The following CNR2 variants were observed in gnomAD, a reference collection of about 807,000 sequenced individuals.
CNR2 encodes the protein cannabinoid receptor 2.
For synonymous variants in CNR2, 172 were observed against 182.2 expected (o/e 0.94, Z 0.45); for missense variants, 379 against 439.9 (o/e 0.86, Z 1.24).
intron 1 of CNR2, among the ~76,000 whole-genome samples, chr1:23,876,084 A>G (rs894621303): frequency 6.6e-6 from 1 of 152,236 alleles, no homozygotes; most frequent in Non-Finnish European, 1.5e-5. Flanking sequence ...TTCGGCAAGT[A>G]AAGTACTGAA....
At chr1:23,894,555 C>T (rs1401921968) in intron 1 of CNR2, among the ~76,000 whole-genome samples, 1 of 148,322 alleles carries the variant, frequency 6.7e-6, no homozygotes, top group South Asian at 2.2e-4. Context: ...GTAATCCCAG[C>T]ACTTTGGGAG....
At chr1:23,891,854 T>G (rs900352104) in intron 1 of CNR2, among the ~76,000 whole-genome samples, 1 of 152,098 alleles carries the variant, frequency 6.6e-6, no homozygotes, top group Non-Finnish European at 1.5e-5. Context: ...GTATCTCACT[T>G]GCTCAAAAAA....
At chr1:23,882,070 T>C (rs1639997546) in intron 1 of CNR2, among the ~76,000 whole-genome samples, 1 of 151,552 alleles carries the variant, frequency 6.6e-6, no homozygotes, top group Non-Finnish European at 1.5e-5. Flanking sequence ...TACAGGTGCC[T>C]GCCACCACGA....
At chr1:23,909,000 T>A (rs1214572281) in intron 1 of CNR2, among the ~76,000 whole-genome samples, 1 of 151,628 alleles carries the variant, frequency 6.6e-6, no homozygotes, top group East Asian at 1.9e-4. Flanking sequence ...AGAGACCTCC[T>A]CTCTGGGCAG....
At chr1:23,880,578 T>C (rs1639965706) in intron 1 of CNR2, among the ~76,000 whole-genome samples, 2 of 151,952 alleles carry the variant, frequency 1.3e-5, no homozygotes, top group Non-Finnish European at 2.9e-5. Flanking sequence ...AGTTTTTATT[T>C]TTTTGAGATG....
chr1:23,889,907 T>C (rs1249271928), intron 1 of CNR2, among the ~76,000 whole-genome samples: 2 of 152,196 alleles, frequency 1.3e-5, no homozygotes, highest in African/African-American at 4.8e-5. Context: ...TTCATGTCAC[T>C]GTACCTGGTT....
intron 1 of CNR2, among the ~76,000 whole-genome samples, chr1:23,907,359 G>A (rs191078569): frequency 4.1e-5 from 6 of 146,176 alleles, no homozygotes; most frequent in East Asian, 4.0e-4. Flanking sequence ...GCAGTGAGCC[G>A]AGATCGCGCC....
intron 1 of CNR2, among the ~76,000 whole-genome samples, chr1:23,890,906 T>A (rs1640180201): frequency 6.6e-6 from 1 of 150,384 alleles, no homozygotes; most frequent in Non-Finnish European, 1.5e-5. Context: ...GAATACAGAT[T>A]GTTGTTCTGT....
At chr1:23,882,045 C>G (rs1008785195) in intron 1 of CNR2, among the ~76,000 whole-genome samples, 16 of 151,716 alleles carry the variant, frequency 1.1e-4, no homozygotes, top group African/African-American at 3.9e-4. Context: ...CCTCAGCCTC[C>G]CAAGTAGCTG....
At chr1:23,908,492 C>T (rs944777489) in intron 1 of CNR2, among the ~76,000 whole-genome samples, 10 of 152,122 alleles carry the variant, frequency 6.6e-5, no homozygotes, top group Admixed American at 3.3e-4. Flanking sequence ...AATAATTATT[C>T]ACTAATTTTT....
intron 1 of CNR2, among the ~76,000 whole-genome samples, chr1:23,912,590 C>T (rs1245391233): frequency 1.3e-5 from 2 of 152,252 alleles, no homozygotes; most frequent in South Asian, 4.1e-4. Context: ...GTGATAGCTC[C>T]TACTGCATAC....
Position 23,874,461 on chromosome 1 carries a change from C to G in CNR2, c.*74G>C, listed in dbSNP as rs1343994744. 3 of 1,487,948 alleles carry G rather than the reference C, an allele frequency of 2.0e-6. No individual in the cohort carries two copies. The highest frequency in any genetic ancestry group is 2.7e-6 in the Non-Finnish European group (3 of 1,102,488). 92.2% of individuals were successfully genotyped at this position (1,487,948 alleles called of 1,614,324 possible). A position where few individuals can be genotyped will look rare whatever the true frequency, so the allele number is the denominator to read the frequency against. ...GACTGGTTTAAGTAAGAAGAGAGTGCCAAGACCCCTCTCTCTCTTCCAGGG... is the reference window on the plus strand; with the variant it reads ...GACTGGTTTAAGTAAGAAGAGAGTGGCAAGACCCCTCTCTCTCTTCCAGGG... On this transcript the variant is annotated 3_prime_UTR_variant, in exon 2 of 2. Transcript: ENST00000374472.
At position 23,909,968 on chromosome 1, in the gene CNR2, C is replaced by CA. The variant is rs1553143156; in HGVS notation, c.-46+3277_-46+3278insT. ...GGACTGTGGACAAGTCTCTCTCCTT[C>CA]TTTTTTTTTTTTTTGAAACAGTATC... On this transcript the variant is annotated intron_variant, in intron 1 of 1. Coordinates refer to ENST00000374472, the MANE Select transcript of CNR2 (RefSeq NM_001841.3). Among the ~76,000 whole-genome samples the CA allele has an allele frequency of 3.5e-5, 5 of 142,900 alleles. No individual in the cohort carries two copies. The Admixed American group carries it at 3.5e-4, about 10-fold the overall frequency. The allele number at this position is 142,900 out of a possible 152,430, so 93.7% of individuals were successfully genotyped here.
intron 1 of CNR2, among the ~76,000 whole-genome samples, chr1:23,884,158 CA>C: frequency 6.6e-6 from 1 of 151,556 alleles, no homozygotes; most frequent in Non-Finnish European, 1.5e-5. Flanking sequence ...CGGCTCACTG[CA>C]AACTCTGCCT....
intron 1 of CNR2, among the ~76,000 whole-genome samples, chr1:23,895,115 G>T (rs1389635466): frequency 1.3e-5 from 2 of 151,986 alleles, no homozygotes; most frequent in African/African-American, 4.8e-5. Context: ...CCAGCTACTT[G>T]GAGGCTGAGG....
intron 1 of CNR2, among the ~76,000 whole-genome samples, chr1:23,881,936 T>C (rs12727867): frequency 0.72 from 108,108 of 150,690 alleles, 39,603 homozygotes; most frequent in Non-Finnish European, 0.76. Context: ...TGGATCTTTT[T>C]CTTGAGATGG....
In CNR2 at chr1:23,874,268, C is replaced by A; in HGVS notation, c.*267G>T. On this transcript the variant is annotated 3_prime_UTR_variant, in exon 2 of 2. Transcript: ENST00000374472. The stretch of plus-strand genomic sequence containing the variant: ...GGAGGATGCAGGCATGAAGCCTGAC[C>A]TGACTTGTACTGACCCTGTCCCAGG... The A allele has an allele frequency of 2.6e-6, 1 of 377,698 alleles. No homozygotes were observed. The highest frequency in any genetic ancestry group is 3.8e-5 in the Admixed American group (1 of 26,572). 23.4% of individuals were successfully genotyped at this position (377,698 alleles called of 1,614,324 possible). A position where few individuals can be genotyped will look rare whatever the true frequency, so the allele number is the denominator to read the frequency against.
chr1:23,875,639 A>C lies in CNR2; in HGVS notation c.-22T>G. 6.4e-7 allele frequency: 1 copy of C among 1,571,268 alleles called. No homozygotes were observed. The highest frequency in any genetic ancestry group is 8.6e-7 in the Non-Finnish European group (1 of 1,157,248). On this transcript the variant is annotated 5_prime_UTR_variant, in exon 2 of 2. Transcript: ENST00000374472. The stretch of plus-strand genomic sequence containing the variant: ...CCATGGGGTGGGCCCTTCAGATTCC[A>C]CTGAGCTTGTCTAGAAGGCTTTGCT...
At chr1:23,884,633 T>A (rs905467579) in intron 1 of CNR2, among the ~76,000 whole-genome samples, 1 of 151,036 alleles carries the variant, frequency 6.6e-6, no homozygotes, top group Non-Finnish European at 1.5e-5. Context: ...CCCGCAACTC[T>A]ATGATATTAG....
Sources: allele counts gnomAD v4.1 joint callset (sites outside exome capture counted in the v4.1 genomes callset), GRCh38; gene constraint gnomAD v4.1.1; transcripts MANE v1.5; gene names NCBI Gene and HGNC (gene_info 2026-07-23, HGNC 2026-07-21).